The following ARHGAP26 variants were observed in gnomAD, a reference collection of about 807,000 sequenced individuals.
The protein encoded by ARHGAP26 is rho GTPase-activating protein 26.
Under a neutral mutation model 104.8 loss-of-function variants are expected in ARHGAP26, and 38 were observed. That is an observed-to-expected ratio of 0.36 (90% CI 0.28 to 0.48). The LOEUF (loss-of-function observed/expected upper bound fraction) is 0.48. ARHGAP26 is among the 20% of genes least tolerant of loss of function. The pLI, the probability that ARHGAP26 is intolerant of heterozygous loss-of-function variation, is 0.99. For synonymous variants in ARHGAP26, 341 were observed against 340.0 expected (o/e 1.00, Z -0.03); for missense variants, 704 against 947.9 (o/e 0.74, Z 3.38).
chr5:142,894,100 G>A (rs895587206), intron 5 of ARHGAP26, 138 bp from the exon 6 acceptor site: 1 of 619,008 alleles, frequency 1.6e-6, no homozygotes, highest in Non-Finnish European at 2.9e-6. Flanking sequence ...AGTTACTATA[G>A]TTATTCTTCT....
intron 18 of ARHGAP26, among the ~76,000 whole-genome samples, chr5:143,125,941 C>G (rs1032543354): frequency 6.6e-6 from 1 of 152,218 alleles, no homozygotes; most frequent in African/African-American, 2.4e-5. Context: ...GTACTACTCT[C>G]AGAACCCAAG....
At chr5:143,154,276 A>G (rs554566823) in intron 20 of ARHGAP26, among the ~76,000 whole-genome samples, 1 of 152,208 alleles carries the variant, frequency 6.6e-6, no homozygotes, top group African/African-American at 2.4e-5. Context: ...CAGGGAGAAA[A>G]CTAATGGAGA....
chr5:143,202,076 T>A (rs1228471802), intron 20 of ARHGAP26, among the ~76,000 whole-genome samples: 3 of 152,234 alleles, frequency 2.0e-5, no homozygotes, highest in East Asian at 3.8e-4. Context: ...TCTAAGAACT[T>A]GCTTTATGAA....
chr5:142,774,331 A>G (rs1299779413), intron 1 of ARHGAP26, among the ~76,000 whole-genome samples: 2 of 152,172 alleles, frequency 1.3e-5, no homozygotes, highest in African/African-American at 4.8e-5. Flanking sequence ...AGTTGGACTG[A>G]AAAAATTTGC....
chr5:143,095,357 A>G (rs1254767258), intron 17 of ARHGAP26, among the ~76,000 whole-genome samples: 1 of 152,152 alleles, frequency 6.6e-6, no homozygotes, highest in Admixed American at 6.5e-5. Flanking sequence ...TCAAGATACT[A>G]TATTCTTAAC....
At chr5:142,849,944 C>T (rs1035360323) in intron 1 of ARHGAP26, among the ~76,000 whole-genome samples, 1 of 152,004 alleles carries the variant, frequency 6.6e-6, no homozygotes, top group African/African-American at 2.4e-5. Flanking sequence ...TGTTCTTCTG[C>T]ACACACTCTT....
intron 8 of ARHGAP26, 169 bp from the exon 9 acceptor site, chr5:142,907,535 C>T: frequency 2.7e-6 from 1 of 368,956 alleles, no homozygotes; most frequent in Non-Finnish European, 5.0e-6. Flanking sequence ...CCTGTGGGAT[C>T]AGATTTCTGT....
chr5:143,114,011 C>G (rs527444805), intron 17 of ARHGAP26, among the ~76,000 whole-genome samples: 38 of 152,290 alleles, frequency 2.5e-4, no homozygotes, highest in Admixed American at 3.9e-4. Flanking sequence ...AATTACTTAC[C>G]TTCTCAGTGC....
chr5:143,041,968 G>T, intron 14 of ARHGAP26, 78 bp downstream of exon 14: 1 of 1,253,240 alleles, frequency 8.0e-7, no homozygotes, highest in South Asian at 1.3e-5. Context: ...TCTGTGAGTA[G>T]ATACAGCCTG....
At chr5:143,104,460 G>A (rs773681917) in intron 17 of ARHGAP26, among the ~76,000 whole-genome samples, 5 of 151,608 alleles carry the variant, frequency 3.3e-5, no homozygotes, top group Admixed American at 1.3e-4. Context: ...GCAGTGAGCC[G>A]AGATCACACC....
intron 11 of ARHGAP26, among the ~76,000 whole-genome samples, chr5:142,949,745 G>A (rs1288964085): frequency 2.0e-5 from 3 of 152,164 alleles, no homozygotes; most frequent in Non-Finnish European, 4.4e-5. Flanking sequence ...CTAATTTGGT[G>A]AGCAGGGCTT....
chr5:142,792,370 GTC>G (rs1237825541), intron 1 of ARHGAP26, among the ~76,000 whole-genome samples: 4 of 152,206 alleles, frequency 2.6e-5, no homozygotes, highest in Non-Finnish European at 5.9e-5. Flanking sequence ...AGAAGAGACT[GTC>G]TCTGTCTTTC....
intron 17 of ARHGAP26, among the ~76,000 whole-genome samples, chr5:143,104,083 C>G (rs939389704): frequency 1.3e-5 from 2 of 150,636 alleles, no homozygotes; most frequent in Admixed American, 1.3e-4. Flanking sequence ...ATAGCAATAC[C>G]TTATTTTGGT....
chr5:143,209,377 A>C (rs561536926), intron 21 of ARHGAP26, among the ~76,000 whole-genome samples: 1 of 152,168 alleles, frequency 6.6e-6, no homozygotes, highest in African/African-American at 2.4e-5. Context: ...AGAATCTGCC[A>C]TTCTGTTGCC....
chr5:142,778,375 C>T (rs1443649032), intron 1 of ARHGAP26, among the ~76,000 whole-genome samples: 1 of 152,168 alleles, frequency 6.6e-6, no homozygotes, highest in Non-Finnish European at 1.5e-5. Flanking sequence ...AGTGTAAAAG[C>T]ACCCCCTTTT....
At chr5:142,930,552 G>A (rs183645409) in intron 10 of ARHGAP26, among the ~76,000 whole-genome samples, 41 of 151,950 alleles carry the variant, frequency 2.7e-4, no homozygotes, top group Admixed American at 2.2e-3. Flanking sequence ...TCATCAACAC[G>A]CCCACTCATC....
chr5:143,183,420 A>T (rs1804688484), intron 20 of ARHGAP26, among the ~76,000 whole-genome samples: 1 of 152,224 alleles, frequency 6.6e-6, no homozygotes, highest in South Asian at 2.1e-4. Flanking sequence ...ATAAGCCTTC[A>T]GTAAATGTTA....
At chr5:142,790,314 G>A (rs1759538765) in intron 1 of ARHGAP26, among the ~76,000 whole-genome samples, 1 of 152,194 alleles carries the variant, frequency 6.6e-6, no homozygotes, top group Admixed American at 6.5e-5. Context: ...GGTGACCACA[G>A]TGTTGAAAAT....
Position 143,059,214 on chromosome 5 carries a change from G to T in ARHGAP26, c.1538+1467G>T, listed in dbSNP as rs185945053. Among the ~76,000 whole-genome samples, 79 of 152,264 alleles carry T rather than the reference G, an allele frequency of 5.2e-4. No homozygotes were observed. The Middle Eastern group carries it at 0.01, about 20-fold the overall frequency. ...CACCCTCCAGCCTAGCATGTGTGGG[G>T]ATGCTCATGACTGCTTCATGGCCAT... is the stretch of plus-strand genomic sequence containing the variant. On this transcript the variant is annotated intron_variant, in intron 17 of 22. Transcript: ENST00000645722.
Sources: allele counts gnomAD v4.1 joint callset (sites outside exome capture counted in the v4.1 genomes callset), GRCh38; gene constraint gnomAD v4.1.1; transcripts MANE v1.5; gene names NCBI Gene and HGNC (gene_info 2026-07-23, HGNC 2026-07-21).